PIK3C2G: variants seen among roughly 807,000 people sequenced by gnomAD.
PIK3C2G encodes the protein phosphatidylinositol-4-phosphate 3-kinase catalytic subunit type 2 gamma, also known as phosphatidylinositol 3-kinase C2 domain-containing subunit gamma.
Under a neutral mutation model 181.1 loss-of-function variants are expected in PIK3C2G, and 168 were observed. That is an observed-to-expected ratio of 0.93 (90% confidence interval 0.82 to 1.05). The LOEUF is 1.05. Among genes scored for constraint, PIK3C2G ranks in the 50% least tolerant of loss-of-function variants. The pLI is 0.00. For missense variants in PIK3C2G, 1,869 were observed against 1,732.8 expected (o/e 1.08, Z -1.40); for synonymous variants, 573 against 592.2 (o/e 0.97, Z 0.47).
chr12:18,567,910 G>T (rs1945722533), intron 29 of PIK3C2G, among the ~76,000 whole-genome samples: 1 of 152,130 alleles, frequency 6.6e-6, no homozygotes, highest in Admixed American at 6.5e-5. Context: ...GGCTGGTTCT[G>T]GAATCTTTTC....
intron 24 of PIK3C2G, among the ~76,000 whole-genome samples, chr12:18,515,066 T>A (rs1290204833): frequency 6.6e-6 from 1 of 152,082 alleles, no homozygotes; most frequent in Non-Finnish European, 1.5e-5. Context: ...TGAATCATCC[T>A]TGCATCTCTG....
intron 16 of PIK3C2G, among the ~76,000 whole-genome samples, chr12:18,411,531 G>T (rs1189770322): frequency 6.6e-6 from 1 of 152,030 alleles, no homozygotes; most frequent in South Asian, 2.1e-4. Flanking sequence ...AAAAATTCTT[G>T]TCACATCTGA....
At chr12:18,713,210 C>A in the PIK3C2G span, among the ~76,000 whole-genome samples, 1 of 151,992 alleles carries the variant, frequency 6.6e-6, no homozygotes, top group Non-Finnish European at 1.5e-5. Flanking sequence ...GTCTTTCTCG[C>A]TAGTCAAATG....
chr12:18,662,715 T>C, the PIK3C2G span, among the ~76,000 whole-genome samples: 1 of 152,036 alleles, frequency 6.6e-6, no homozygotes, highest in South Asian at 2.1e-4. Flanking sequence ...AACTGAAAAA[T>C]GAGGTCTAGT....
rs1592691109 is a variant in PIK3C2G at position 18,602,114 on chromosome 12, G to A, written c.4088-7421G>A. On this transcript the variant is annotated intron_variant, in intron 30 of 32. Transcript: ENST00000538779. ...GGAAGAACTAAAGCCCTTTTCTTTT[G>A]CAGCTGGGAGGTGGAAAGCTTTGGG... Among the ~76,000 whole-genome samples, 5 of 152,226 alleles carry A rather than the reference G, an allele frequency of 3.3e-5. No homozygotes were observed. In the Middle Eastern group the frequency reaches 0.01, roughly 311 times the overall value.
chr12:18,539,315 C>T (rs1944027157), intron 25 of PIK3C2G, among the ~76,000 whole-genome samples: 1 of 151,826 alleles, frequency 6.6e-6, no homozygotes, highest in African/African-American at 2.4e-5. Context: ...TTGCATGGCC[C>T]AGGCATTGTG....
intron 7 of PIK3C2G, among the ~76,000 whole-genome samples, chr12:18,324,023 A>G (rs2137484993): frequency 6.6e-6 from 1 of 152,192 alleles, no homozygotes; most frequent in East Asian, 1.9e-4. Flanking sequence ...GATCGAGACC[A>G]TCCTGGCTAA....
chr12:18,411,726 G>T (rs768516249), intron 16 of PIK3C2G, among the ~76,000 whole-genome samples: 1 of 152,264 alleles, frequency 6.6e-6, no homozygotes, highest in East Asian at 1.9e-4. Flanking sequence ...TATTCTGCAT[G>T]AATTCTTGCT....
At chr12:18,678,533 T>C in the PIK3C2G span, among the ~76,000 whole-genome samples, 1 of 152,094 alleles carries the variant, frequency 6.6e-6, no homozygotes, top group African/African-American at 2.4e-5. Context: ...CGCCATTCAC[T>C]GATTTTCTTT....
At chr12:18,432,700 C>T (rs11044109) in intron 18 of PIK3C2G, among the ~76,000 whole-genome samples, 37,722 of 152,100 alleles carry the variant, frequency 0.25, 5,023 homozygotes, top group Admixed American at 0.35. Context: ...AAGGAATACA[C>T]TAACAGATAT....
intron 18 of PIK3C2G, among the ~76,000 whole-genome samples, chr12:18,482,326 G>A (rs1269370318): frequency 1.3e-5 from 2 of 151,978 alleles, no homozygotes; most frequent in Non-Finnish European, 2.9e-5. Flanking sequence ...CCTCATACTT[G>A]ATAGGGCAGG....
intron 20 of PIK3C2G, among the ~76,000 whole-genome samples, chr12:18,492,188 T>C (rs1184000982): frequency 3.3e-5 from 5 of 152,178 alleles, no homozygotes; most frequent in Non-Finnish European, 7.3e-5. Flanking sequence ...CTTTATTATC[T>C]TCCTTCTCAA....
At chr12:18,293,374 C>T (rs1949795493) in intron 4 of PIK3C2G, among the ~76,000 whole-genome samples, 1 of 152,128 alleles carries the variant, frequency 6.6e-6, no homozygotes, top group Non-Finnish European at 1.5e-5. Flanking sequence ...TTAATGATCA[C>T]AGAATTGTCT....
intron 10 of PIK3C2G, 85 bp downstream of exon 10, chr12:18,343,445 G>A (rs1939336017): frequency 4.6e-6 from 3 of 645,300 alleles, no homozygotes; most frequent in African/African-American, 1.9e-5. Context: ...ATTTTTTTAT[G>A]CAAATACTGT....
At chr12:18,657,676 AC>A in the PIK3C2G span, among the ~76,000 whole-genome samples, 1 of 152,224 alleles carries the variant, frequency 6.6e-6, no homozygotes, top group Non-Finnish European at 1.5e-5. Flanking sequence ...ACAAACAACT[AC>A]TATAATAAGC....
rs1320198854 is a variant in PIK3C2G at position 18,267,873 on chromosome 12, T to C, written c.-79+6296T>C. Among the ~76,000 whole-genome samples the C allele has an allele frequency of 2.0e-5, 3 of 152,186 alleles. No individual in the cohort carries two copies. The South Asian group carries it at 6.2e-4, about 31-fold the overall frequency. On this transcript the variant is annotated intron_variant, in intron 1 of 32. Coordinates refer to ENST00000538779, the MANE Select transcript of PIK3C2G (RefSeq NM_001288772.2). ...CAAACATTCATCCCCCGTTCCTACA[T>C]AAGGCAAAACAAATGCACAGTCACC...
At position 18,362,881 on chromosome 12, in the gene PIK3C2G, T is replaced by G; in HGVS notation, c.1743T>G (p.Asn581Lys). 1.3e-6 allele frequency: 2 copies of G among 1,502,496 alleles called. No homozygotes were observed. Among genetic ancestry groups the G allele is most frequent in the South Asian group, 2.5e-5 (2 of 78,566 alleles). 93.1% of individuals were successfully genotyped at this position (1,502,496 alleles called of 1,614,324 possible). ...TATTTTTTTTCTTGGTCAACTGGAA[T>G]GAAACGTAAGTTTAATCTTTACTGT... The part of the protein sequence containing the change: ...KKLFFFLVNW[N>K]ETINFPLEIK... Residue 581 changes from asparagine to lysine, a missense_variant, in exon 12 of 33, where the codon AAT becomes AAG. By Grantham distance (94) the Asn-to-Lys change is moderately conservative. Transcript: ENST00000538779.
rs114954499 is a variant in PIK3C2G at position 18,572,255 on chromosome 12, G to T, written c.4011+5198G>T. Among the ~76,000 whole-genome samples, 907 of 147,792 alleles carry T rather than the reference G, an allele frequency of 6.1e-3. 6 individuals carry two copies. The highest frequency in any genetic ancestry group is 0.021 in the African/African-American group (862 of 40,620). On this transcript the variant is annotated intron_variant, in intron 29 of 32. Coordinates refer to ENST00000538779, the MANE Select transcript of PIK3C2G (RefSeq NM_001288772.2). ...TCTTTTATTCTTCAGGGATATTTTT[G>T]CTGACAATACTATTTTAATAGCAAT...
chr12:18,471,850 A>G (rs1938492455), intron 18 of PIK3C2G, among the ~76,000 whole-genome samples: 1 of 152,160 alleles, frequency 6.6e-6, no homozygotes, highest in Non-Finnish European at 1.5e-5. Context: ...CTTTCTCATA[A>G]TGCTTAGTAA....
Sources: allele counts gnomAD v4.1 joint callset (sites outside exome capture counted in the v4.1 genomes callset), GRCh38; gene constraint gnomAD v4.1.1; transcripts MANE v1.5; gene names NCBI Gene and HGNC (gene_info 2026-07-23, HGNC 2026-07-21).